Variants in DDAH1 observed in about 807,000 individuals in gnomAD.
DDAH1 encodes the protein dimethylarginine dimethylaminohydrolase 1, also known as N(G),N(G)-dimethylarginine dimethylaminohydrolase 1.
DDAH1 carries 19 observed loss-of-function variants against 28.8 expected under a neutral mutation model. That is an observed-to-expected ratio of 0.66 (90% CI 0.46 to 0.97). The LOEUF (loss-of-function observed/expected upper bound fraction) is 0.97, where lower values mean the gene tolerates loss of function less well. Among genes scored for constraint, DDAH1 ranks in the 50% least tolerant of loss-of-function variants. The probability of loss-of-function intolerance (pLI) is 0.00; values close to 1 mark genes in which losing one functional copy is unlikely to be tolerated. For synonymous variants in DDAH1, 153 were observed against 154.4 expected (o/e 0.99, Z 0.07); for missense variants, 326 against 375.9 (o/e 0.87, Z 1.10).
intron 2 of DDAH1, among the ~76,000 whole-genome samples, chr1:85,480,507 G>T (rs1258720898): frequency 6.6e-6 from 1 of 152,146 alleles, no homozygotes; most frequent in Non-Finnish European, 1.5e-5. Flanking sequence ...CACTTTGGGA[G>T]GCTGAAGCTG....
intron 1 of DDAH1, among the ~76,000 whole-genome samples, chr1:85,377,280 A>G (rs1393247850): frequency 6.6e-6 from 1 of 152,162 alleles, no homozygotes; most frequent in African/African-American, 2.4e-5. Flanking sequence ...ATGAATAGAA[A>G]GCTGTTTCTA....
intron 1 of DDAH1, among the ~76,000 whole-genome samples, chr1:85,442,048 C>CT (rs1371670891): frequency 2.0e-5 from 3 of 151,440 alleles, no homozygotes; most frequent in Non-Finnish European, 4.4e-5. Flanking sequence ...TTTTTTAATG[C>CT]TTTAAGTTCT....
intron 1 of DDAH1, among the ~76,000 whole-genome samples, chr1:85,577,736 CCAGA>C (rs983714915): frequency 6.6e-6 from 1 of 152,120 alleles, no homozygotes; most frequent in African/African-American, 2.4e-5. Context: ...TCGGTTGCCG[CCAGA>C]CAGTGAGCCC....
At chr1:85,494,543 A>T (rs1330387307) in intron 2 of DDAH1, 4 of 152,214 alleles carry the variant, frequency 2.6e-5, no homozygotes, top group Admixed American at 2.6e-4. Flanking sequence ...CTGCCTCAGC[A>T]GCTGTCACAT....
At chr1:85,505,493 A>G (rs1656983159) in intron 1 of DDAH1, among the ~76,000 whole-genome samples, 1 of 152,192 alleles carries the variant, frequency 6.6e-6, no homozygotes, top group South Asian at 2.1e-4. Context: ...AAAGACACGA[A>G]TAAGAGAATC....
At position 85,474,574 on chromosome 1, in the gene DDAH1, G is replaced by T. The variant is rs571905889; in HGVS notation, c.-7+21592C>A. Among the ~76,000 whole-genome samples the T allele has an allele frequency of 8.5e-5, 13 of 152,176 alleles. No homozygotes were observed. In the East Asian group the frequency reaches 1.5e-3, roughly 18 times the overall value. On this transcript the variant is annotated intron_variant, in intron 2 of 6. Coordinates refer to the DDAH1 transcript ENST00000426972. ...CACTCTATTCAAGAAGACTTCCCTG[G>T]GTCCCCAGGTGGGATGAGATGCATC...
At chr1:85,350,092 A>G (rs1649112524) in intron 4 of DDAH1, among the ~76,000 whole-genome samples, 1 of 152,232 alleles carries the variant, frequency 6.6e-6, no homozygotes, top group African/African-American at 2.4e-5. Context: ...CATTACAAGG[A>G]GCTCAATCTG....
At position 85,519,922 on chromosome 1, in the gene DDAH1, T is replaced by G. The variant is rs2100761238; in HGVS notation, c.-122-23641A>C. Among the ~76,000 whole-genome samples, 3 of 152,296 alleles carry G rather than the reference T, an allele frequency of 2.0e-5. 1 individual carries two copies. Among genetic ancestry groups the G allele is most frequent in the Admixed American group, 2.0e-4 (3 of 15,302 alleles). On this transcript the variant is annotated intron_variant, in intron 1 of 6. Coordinates refer to the DDAH1 transcript ENST00000426972. ...GGAGGTAAACGGCATGGGGGAAGAC[T>G]ACAAAAAGGATATCAACTATATTTG...
chr1:85,449,962 A>C (rs1447549183), intron 1 of DDAH1, among the ~76,000 whole-genome samples: 1 of 152,176 alleles, frequency 6.6e-6, no homozygotes, highest in Non-Finnish European at 1.5e-5. Flanking sequence ...TCCTAAGAAT[A>C]AAATCAGAGG....
chr1:85,384,607 T>C (rs2100914862), intron 1 of DDAH1, among the ~76,000 whole-genome samples: 1 of 152,360 alleles, frequency 6.6e-6, no homozygotes, highest in Admixed American at 6.5e-5. Flanking sequence ...AAAGAAAAAT[T>C]CCTGTAGCAG....
At chr1:85,494,530 G>A (rs1656514611) in intron 2 of DDAH1, 1 of 152,200 alleles carries the variant, frequency 6.6e-6, no homozygotes, top group South Asian at 2.1e-4. Context: ...CAAGGGCAAA[G>A]GGCTGCCTCA....
intron 1 of DDAH1, among the ~76,000 whole-genome samples, chr1:85,451,231 C>A (rs1363499780): frequency 6.6e-6 from 1 of 152,176 alleles, no homozygotes. Flanking sequence ...GTGGTCTGGC[C>A]ACAGCCCAAT....
intron 1 of DDAH1, among the ~76,000 whole-genome samples, chr1:85,461,162 T>G (rs538328724): frequency 1.3e-5 from 2 of 152,308 alleles, no homozygotes; most frequent in African/African-American, 4.8e-5. Context: ...AAAAGTAAGT[T>G]GGAGTCATGT....
chr1:85,570,939 G>A (rs1395404236), intron 1 of DDAH1, among the ~76,000 whole-genome samples: 1 of 152,158 alleles, frequency 6.6e-6, no homozygotes, highest in Non-Finnish European at 1.5e-5. Context: ...AAGGAATTAG[G>A]ACTGTGTAGC....
chr1:85,511,865 C>T (rs576206737), intron 1 of DDAH1, among the ~76,000 whole-genome samples: 8 of 152,238 alleles, frequency 5.3e-5, no homozygotes, highest in African/African-American at 1.7e-4. Context: ...CAATAGCCTA[C>T]CAACCAAAAA....
intron 4 of DDAH1, among the ~76,000 whole-genome samples, chr1:85,342,950 C>T (rs180853057): frequency 1.0e-3 from 155 of 152,294 alleles, no homozygotes; most frequent in Non-Finnish European, 9.1e-4. Context: ...CTTTAAACCA[C>T]TCTCACTAGG....
intron 2 of DDAH1, chr1:85,493,463 G>A (rs533560649): frequency 4.6e-5 from 7 of 152,202 alleles, no homozygotes; most frequent in African/African-American, 1.4e-4. Flanking sequence ...GTTTAGTACT[G>A]TAAACAAAAT....
chr1:85,484,474 A>C (rs910618749), intron 2 of DDAH1, among the ~76,000 whole-genome samples: 1 of 152,078 alleles, frequency 6.6e-6, no homozygotes, highest in Non-Finnish European at 1.5e-5. Context: ...CCTGCTGATG[A>C]GGCTGATGGA....
At chr1:85,467,818 A>T (rs1038150356), upstream of DDAH1, among the ~76,000 whole-genome samples, 3 of 152,226 alleles carry the variant, frequency 2.0e-5, no homozygotes, top group Non-Finnish European at 4.4e-5. Context: ...CTTCAGAGTC[A>T]CAAAAGAAGG....
Sources: allele counts gnomAD v4.1 joint callset (sites outside exome capture counted in the v4.1 genomes callset), GRCh38; gene constraint gnomAD v4.1.1; transcripts MANE v1.5; gene names NCBI Gene and HGNC (gene_info 2026-07-23, HGNC 2026-07-21).